Variants in TRPC7 observed in about 807,000 individuals in gnomAD.
The protein encoded by TRPC7 is short transient receptor potential channel 7.
Under a neutral mutation model 90.1 loss-of-function variants are expected in TRPC7, and 42 were observed. The ratio of observed to expected loss-of-function variants is 0.47; its 90% CI spans 0.36 to 0.60. The LOEUF (loss-of-function observed/expected upper bound fraction) is 0.60. TRPC7 is among the 20% of genes least tolerant of loss of function. TRPC7 has a pLI of 0.00. For synonymous variants in TRPC7, 451 were observed against 436.3 expected, an observed-to-expected ratio of 1.03 and a Z score of -0.42; for missense variants, 955 against 1,112.3, an observed-to-expected ratio of 0.86 and a Z score of 2.01.
intron 7 of TRPC7, among the ~76,000 whole-genome samples, chr5:136,238,050 A>G (rs1561682753): frequency 6.6e-6 from 1 of 152,074 alleles, no homozygotes. Context: ...GCCTGGGTGC[A>G]CTGGCTGAGC....
At chr5:136,316,730 C>A (rs1341902933) in intron 2 of TRPC7, among the ~76,000 whole-genome samples, 1 of 152,192 alleles carries the variant, frequency 6.6e-6, no homozygotes. Context: ...TTTGAGGTTA[C>A]CTCATACCTC....
intron 3 of TRPC7, among the ~76,000 whole-genome samples, chr5:136,287,723 A>AAAAAACC (rs1757775640): frequency 3.1e-5 from 4 of 127,662 alleles, no homozygotes; most frequent in Non-Finnish European, 3.4e-5. Context: ...AAAAAAAAAA[A>AAAAAACC]AAAAAACCCA....
intron 2 of TRPC7, among the ~76,000 whole-genome samples, chr5:136,352,742 T>C (rs1760239172): frequency 6.6e-6 from 1 of 152,090 alleles, no homozygotes; most frequent in Admixed American, 6.5e-5. Flanking sequence ...CCAAAACCCA[T>C]TTTAGGTACT....
chr5:136,314,822 AT>A (rs999627561), intron 3 of TRPC7, among the ~76,000 whole-genome samples: 6 of 152,264 alleles, frequency 3.9e-5, no homozygotes, highest in Non-Finnish European at 5.9e-5. Flanking sequence ...TGGAAAGCAC[AT>A]TGATATTTAA....
chr5:136,273,113 C>T (rs1420795135), intron 4 of TRPC7, among the ~76,000 whole-genome samples: 1 of 152,146 alleles, frequency 6.6e-6, no homozygotes, highest in African/African-American at 2.4e-5. Context: ...GCGCTTTCTC[C>T]ACAAAGTTGC....
At chr5:136,218,280 A>G (rs1423489755) in intron 10 of TRPC7, among the ~76,000 whole-genome samples, 2 of 151,256 alleles carry the variant, frequency 1.3e-5, no homozygotes, top group Non-Finnish European at 2.9e-5. Context: ...TGGAAAAACA[A>G]AACAAGACAA....
At chr5:136,263,162 G>C (rs916550999) in intron 5 of TRPC7, among the ~76,000 whole-genome samples, 1 of 152,126 alleles carries the variant, frequency 6.6e-6, no homozygotes, top group Non-Finnish European at 1.5e-5. Context: ...GGAGATATTC[G>C]AGCTCTGATC....
At chr5:136,230,173 A>G (rs1177553933) in intron 8 of TRPC7, among the ~76,000 whole-genome samples, 1 of 152,256 alleles carries the variant, frequency 6.6e-6, no homozygotes, top group Non-Finnish European at 1.5e-5. Flanking sequence ...GTAAAATGAT[A>G]TTGGATCTAT....
At chr5:136,321,104 C>T (rs1266364766) in intron 2 of TRPC7, among the ~76,000 whole-genome samples, 1 of 152,072 alleles carries the variant, frequency 6.6e-6, no homozygotes, top group African/African-American at 2.4e-5. Context: ...AGTGAACTTC[C>T]CTAAGTTGAC....
chr5:136,255,034 C>T (rs766188609), intron 5 of TRPC7, among the ~76,000 whole-genome samples: 30 of 152,186 alleles, frequency 2.0e-4, no homozygotes, highest in Non-Finnish European at 3.2e-4. Context: ...GCTGCAATTT[C>T]ATGATAAAAC....
chr5:136,218,944 C>G (rs1350629005), intron 10 of TRPC7, among the ~76,000 whole-genome samples: 1 of 152,182 alleles, frequency 6.6e-6, no homozygotes, highest in African/African-American at 2.4e-5. Context: ...CAAGGTCACA[C>G]AGCTGGAAAG....
At chr5:136,316,502 C>T (rs1419142861) in intron 2 of TRPC7, among the ~76,000 whole-genome samples, 1 of 152,186 alleles carries the variant, frequency 6.6e-6, no homozygotes, top group Non-Finnish European at 1.5e-5. Context: ...CTTAAATCAC[C>T]TGCCTGTTGA....
chr5:136,249,754 T>G (rs115184714), intron 6 of TRPC7, among the ~76,000 whole-genome samples: 2,769 of 152,322 alleles, frequency 0.018, 40 homozygotes, highest in Non-Finnish European at 0.028. Context: ...GTTTTCTCCT[T>G]AGAGCTATTT....
chr5:136,244,653 C>T (rs893529201), intron 7 of TRPC7, among the ~76,000 whole-genome samples: 1 of 152,198 alleles, frequency 6.6e-6, no homozygotes, highest in Non-Finnish European at 1.5e-5. Flanking sequence ...TAAGAGCCTT[C>T]GTTTATCGGC....
intron 3 of TRPC7, among the ~76,000 whole-genome samples, chr5:136,310,332 A>T (rs1025344642): frequency 1.3e-5 from 2 of 151,960 alleles, no homozygotes; most frequent in African/African-American, 2.4e-5. Context: ...TCATAGGGGA[A>T]TTTTTTTTAA....
chr5:136,258,803 G>A (rs531950483), intron 5 of TRPC7, among the ~76,000 whole-genome samples: 7 of 152,248 alleles, frequency 4.6e-5, no homozygotes, highest in African/African-American at 7.2e-5. Context: ...AATGGTCCTG[G>A]CCCCCAGGGG....
At position 136,357,388 on chromosome 5, in the gene TRPC7, A is replaced by G. The variant is rs1760426828; in HGVS notation, c.3-3T>C. The stretch of plus-strand genomic sequence containing the variant: ...TTTTGAAGGTGCTGTTCCTCAACCT[A>G]TGGGACAAGGCAAAGATGCCCTGTT... On this transcript the variant is annotated splice_polypyrimidine_tract_variant and splice_region_variant and intron_variant, in intron 1 of 11. Coordinates refer to ENST00000513104, the MANE Select transcript of TRPC7 (RefSeq NM_020389.3). 2.5e-6 allele frequency: 4 copies of G among 1,588,038 alleles called. No individual in the cohort carries two copies. Among genetic ancestry groups the G allele is most frequent in the Admixed American group, 1.7e-5 (1 of 59,418 alleles).
chr5:136,269,588 G>C (rs1380660634), intron 4 of TRPC7, among the ~76,000 whole-genome samples: 3 of 152,210 alleles, frequency 2.0e-5, no homozygotes, highest in Non-Finnish European at 4.4e-5. Context: ...TTCGCCAAAT[G>C]CCACTCTCGC....
At chr5:136,300,894 T>TA (rs1434915908) in intron 3 of TRPC7, among the ~76,000 whole-genome samples, 9 of 152,232 alleles carry the variant, frequency 5.9e-5, no homozygotes, top group African/African-American at 2.2e-4. Context: ...TTCAGAGATC[T>TA]AGATGAACCA....
Sources: gnomAD v4.1 joint callset for allele counts (sites outside exome capture counted in the v4.1 genomes callset) on GRCh38, gnomAD v4.1.1 for gene constraint, MANE v1.5 for transcripts, NCBI Gene and HGNC (gene_info 2026-07-23, HGNC 2026-07-21) for gene names.